Variants in SPECC1 observed in about 807,000 individuals in gnomAD.
SPECC1 encodes the protein cytospin-B.
In SPECC1, 62 loss-of-function variants were observed where a neutral mutation model predicts 104.1. The observed-to-expected ratio is 0.60, with a 90% CI of 0.49 to 0.74. The LOEUF (loss-of-function observed/expected upper bound fraction) is 0.74. Ranked by LOEUF, SPECC1 falls within the 30% of genes least tolerant of loss-of-function variation. The pLI is 0.00. For synonymous variants in SPECC1, 513 were observed against 501.6 expected (o/e 1.02, Z -0.30); for missense variants, 1,306 against 1,310.5 (o/e 1.00, Z 0.05).
At chr17:20,282,960 C>G (rs946486439) in intron 12 of SPECC1, among the ~76,000 whole-genome samples, 2 of 152,122 alleles carry the variant, frequency 1.3e-5, no homozygotes, top group Non-Finnish European at 2.9e-5. Flanking sequence ...AGGAGGATTG[C>G]TTGACCTCGG....
At chr17:20,302,238 T>TAA (rs983669587) in intron 13 of SPECC1, among the ~76,000 whole-genome samples, 7 of 152,322 alleles carry the variant, frequency 4.6e-5, no homozygotes, top group South Asian at 2.1e-4. Flanking sequence ...TGCTGGTGAC[T>TAA]AAGAGTTTTG....
chr17:20,051,901 A>C (rs2045788606), intron 1 of SPECC1, among the ~76,000 whole-genome samples: 1 of 152,208 alleles, frequency 6.6e-6, no homozygotes. Context: ...TACAAATCTC[A>C]GATTTTCTAC....
chr17:20,110,204 G>A (rs1463099729), intron 2 of SPECC1, among the ~76,000 whole-genome samples: 5 of 152,148 alleles, frequency 3.3e-5, no homozygotes, highest in African/African-American at 1.2e-4. Flanking sequence ...CTTAGACACT[G>A]CTCTTTGAAA....
intron 12 of SPECC1, among the ~76,000 whole-genome samples, chr17:20,282,799 A>G (rs973872904): frequency 3.9e-5 from 6 of 152,166 alleles, no homozygotes; most frequent in African/African-American, 7.2e-5. Context: ...GGAGGTCTGC[A>G]TTTTTTTAAA....
intron 2 of SPECC1, among the ~76,000 whole-genome samples, chr17:20,103,590 C>T (rs2048044119): frequency 6.6e-6 from 1 of 152,110 alleles, no homozygotes; most frequent in Admixed American, 6.5e-5. Context: ...CAGAAGCAGC[C>T]CTGGCAAAGT....
rs1321154586 is a variant in SPECC1 at position 20,169,883 on chromosome 17, G to A, written c.284-34450G>A. On this transcript the variant is annotated intron_variant, in intron 3 of 14. Transcript: ENST00000395527. ...GTTGCGCCAATTTGCTTTAGGTACG[G>A]GATTTCTAGTTTGTTGAATTCTATT... Among the ~76,000 whole-genome samples the A allele has an allele frequency of 6.6e-5, 10 of 152,084 alleles. No individual in the cohort carries two copies. In the East Asian group the frequency reaches 1.9e-3, roughly 29 times the overall value.
At chr17:20,304,167 A>G (rs1053456546) in intron 13 of SPECC1, among the ~76,000 whole-genome samples, 3 of 148,618 alleles carry the variant, frequency 2.0e-5, no homozygotes, top group Admixed American at 1.4e-4. Context: ...GTGCATGTCT[A>G]TAATCTCAGC....
intron 2 of SPECC1, among the ~76,000 whole-genome samples, chr17:20,104,514 A>G (rs2048093109): frequency 6.6e-6 from 1 of 152,044 alleles, no homozygotes; most frequent in Non-Finnish European, 1.5e-5. Flanking sequence ...AGGCCGAGGC[A>G]GGTGGATCAC....
At chr17:20,123,012 T>C (rs1178529153) in intron 3 of SPECC1, among the ~76,000 whole-genome samples, 1 of 152,194 alleles carries the variant, frequency 6.6e-6, no homozygotes, top group Non-Finnish European at 1.5e-5. Flanking sequence ...GTGGGATTGC[T>C]GGATTCTCCT....
intron 3 of SPECC1, among the ~76,000 whole-genome samples, chr17:20,138,704 A>G (rs2030353138): frequency 6.6e-6 from 1 of 152,074 alleles, no homozygotes; most frequent in Admixed American, 6.6e-5. Context: ...TTGATAGTTC[A>G]TTTCTTTTTA....
intron 10 of SPECC1, among the ~76,000 whole-genome samples, chr17:20,255,647 C>CTCACTACAGT (rs2039798334): frequency 6.6e-6 from 1 of 151,558 alleles, no homozygotes; most frequent in Non-Finnish European, 1.5e-5. Flanking sequence ...CTCACTACAG[C>CTCACTACAGT]CTCAAACATC....
At chr17:20,081,910 G>A (rs1044892440) in intron 1 of SPECC1, among the ~76,000 whole-genome samples, 3 of 152,202 alleles carry the variant, frequency 2.0e-5, no homozygotes, top group Non-Finnish European at 2.9e-5. Context: ...TTGAGGCCAC[G>A]GTGGCCCCAC....
Position 20,316,371 on chromosome 17 carries a change from A to G in SPECC1, c.*2306A>G, listed in dbSNP as rs1336108454. 1 of 220,446 alleles carries G rather than the reference A, an allele frequency of 4.5e-6. No individual in the cohort carries two copies. Among genetic ancestry groups the G allele is most frequent in the African/African-American group, 2.2e-5 (1 of 44,486 alleles). 13.7% of individuals were successfully genotyped at this position (220,446 alleles called of 1,614,324 possible). A position where few individuals can be genotyped will look rare whatever the true frequency, so the allele number is the denominator to read the frequency against. ...GTGATTGGTTCTGTTTTTTATTTTT[A>G]CTTATTTATTTTGAGATGGAGTTTC... On this transcript the variant is annotated 3_prime_UTR_variant, in exon 15 of 15. Coordinates refer to ENST00000395527, the MANE Select transcript of SPECC1 (RefSeq NM_001243439.2).
chr17:20,121,333 A>C (rs941744610), intron 3 of SPECC1, among the ~76,000 whole-genome samples: 1 of 150,294 alleles, frequency 6.7e-6, no homozygotes, highest in Non-Finnish European at 1.5e-5. Context: ...TTATTCACTT[A>C]TCTGAATTCC....
Position 20,314,079 on chromosome 17 carries a change from G to A in SPECC1, c.*14G>A. 6.2e-7 allele frequency: 1 copy of A among 1,611,710 alleles called. No individual in the cohort carries two copies. The highest frequency in any genetic ancestry group is 8.5e-7 in the Non-Finnish European group (1 of 1,178,538). The stretch of plus-strand genomic sequence containing the variant: ...TTTGAGACGTAACCCTGGAGGGCCT[G>A]GGGCAGCCACCATTGCCACCTACTG... On this transcript the variant is annotated 3_prime_UTR_variant, in exon 15 of 15. Coordinates refer to ENST00000395527, the MANE Select transcript of SPECC1 (RefSeq NM_001243439.2).
chr17:20,282,294 C>G (rs557008549), intron 12 of SPECC1, among the ~76,000 whole-genome samples: 189 of 152,316 alleles, frequency 1.2e-3, no homozygotes, highest in African/African-American at 4.5e-3. Context: ...TGGGACACAG[C>G]CGTCCTCTCG....
At chr17:20,198,193 A>G (rs2036164096) in intron 3 of SPECC1, among the ~76,000 whole-genome samples, 1 of 152,276 alleles carries the variant, frequency 6.6e-6, no homozygotes, top group Middle Eastern at 3.4e-3. Flanking sequence ...CCAATATCAA[A>G]CTGGTGAGGC....
intron 12 of SPECC1, among the ~76,000 whole-genome samples, chr17:20,262,433 A>G (rs1205354973): frequency 3.3e-5 from 5 of 152,120 alleles, no homozygotes; most frequent in East Asian, 1.9e-4. Flanking sequence ...TGAGAGATTT[A>G]TTTCTCTGCA....
intron 1 of SPECC1, among the ~76,000 whole-genome samples, chr17:20,030,504 ACT>A (rs2044765331): frequency 2.0e-5 from 3 of 151,460 alleles, no homozygotes; most frequent in Non-Finnish European, 4.4e-5. Flanking sequence ...CTTTGTTCCA[ACT>A]CTCTTTTGTG....
Sources: gnomAD v4.1 joint callset for allele counts (sites outside exome capture counted in the v4.1 genomes callset) on GRCh38, gnomAD v4.1.1 for gene constraint, MANE v1.5 for transcripts, NCBI Gene and HGNC (gene_info 2026-07-23, HGNC 2026-07-21) for gene names.